Variants in CAPN2 observed in about 807,000 individuals in gnomAD.
CAPN2 encodes calpain-2 catalytic subunit.
CAPN2 carries 92 observed loss-of-function variants against 102.3 expected under a neutral mutation model. The ratio of observed to expected loss-of-function variants is 0.90; its 90% CI spans 0.76 to 1.07. CAPN2 has a LOEUF of 1.07. CAPN2 is among the 50% of genes least tolerant of loss of function. The pLI is 0.00. For missense variants in CAPN2, 800 were observed against 909.4 expected, an observed-to-expected ratio of 0.88 and a Z score of 1.55; for synonymous variants, 340 against 355.4, an observed-to-expected ratio of 0.96 and a Z score of 0.49.
At position 223,725,558 on chromosome 1, in the gene CAPN2, C is replaced by A. The variant is rs549321894; in HGVS notation, c.307+7727C>A. 1.3e-4 allele frequency among the ~76,000 whole-genome samples: 20 copies of A among 152,216 alleles called. No homozygotes were observed. The South Asian group carries it at 4.2e-3, about 32-fold the overall frequency. On this transcript the variant is annotated intron_variant, in intron 2 of 20. Coordinates refer to ENST00000295006, the MANE Select transcript of CAPN2 (RefSeq NM_001748.5). The surrounding 1 kb of genome is among the most constrained non-coding windows in gnomAD (Gnocchi z 4.1). ...GGAGTACTGTCAAATGAGGTCGCGT[C>A]GCTGAGGTGGAGACACATTGTGGCA...
At chr1:223,749,143 G>C in intron 6 of CAPN2, 21 bp downstream of exon 6, 1 of 1,605,328 alleles carries the variant, frequency 6.2e-7, no homozygotes, top group Non-Finnish European at 8.5e-7. Flanking sequence ...GCGCGGATGT[G>C]CAGGGGTCCT....
At chr1:223,724,037 C>T (rs77705362) in intron 2 of CAPN2, among the ~76,000 whole-genome samples, 1,573 of 151,870 alleles carry the variant, frequency 0.01, 15 homozygotes, top group African/African-American at 0.028. Flanking sequence ...CGCCCCTATA[C>T]GGCCATAGTT....
intron 1 of CAPN2, among the ~76,000 whole-genome samples, chr1:223,713,533 C>T (rs776243998): frequency 6.6e-6 from 1 of 152,112 alleles, no homozygotes; most frequent in African/African-American, 2.4e-5. Flanking sequence ...CCCCTTATCC[C>T]GTCCCCCAGG....
rs1553343526 is a variant in CAPN2 at position 223,702,105 on chromosome 1, A to AAGAAAGGAAGGAAGGAAG, written c.3+274_3+275insAGAAAGGAAGGAAGGAAG. On this transcript the variant is annotated intron_variant, in intron 1 of 20. Transcript: ENST00000433674. The stretch of plus-strand genomic sequence containing the variant: ...AGGGAGGGAGGGAGGAAAGAAGGAA[A>AAGAAAGGAAGGAAGGAAG]GAAGGAAGGAAGGAAGGAAGGAAGG... 4.7e-4 allele frequency among the ~76,000 whole-genome samples: 40 copies of AAGAAAGGAAGGAAGGAAG among 84,606 alleles called. No individual in the cohort carries two copies. The East Asian group carries it at 0.012, about 24-fold the overall frequency. 55.5% of individuals were successfully genotyped at this position (84,606 alleles called of 152,430 possible).
chr1:223,753,796 C>A (rs1375015202), intron 9 of CAPN2, among the ~76,000 whole-genome samples: 1 of 152,156 alleles, frequency 6.6e-6, no homozygotes, highest in African/African-American at 2.4e-5. Context: ...TATAGAATTA[C>A]CTTCAGCCTA....
At chr1:223,762,394 TC>T (rs1461406751) in intron 14 of CAPN2, 143 bp downstream of exon 14, 4 of 679,516 alleles carry the variant, frequency 5.9e-6, no homozygotes, top group African/African-American at 1.8e-5. Flanking sequence ...GCACTTGGGT[TC>T]CAGCTCAGCC....
intron 5 of CAPN2, among the ~76,000 whole-genome samples, chr1:223,748,111 CT>C (rs554105778): frequency 3.0e-3 from 455 of 152,338 alleles, no homozygotes; most frequent in African/African-American, 0.01. Context: ...CAGCCTTCCC[CT>C]GCACTCTTGC....
intron 2 of CAPN2, among the ~76,000 whole-genome samples, chr1:223,735,218 C>T (rs1308379144): frequency 6.6e-6 from 1 of 152,074 alleles, no homozygotes; most frequent in Non-Finnish European, 1.5e-5. Flanking sequence ...CTTAAGTGGC[C>T]AGATCAGGAC....
chr1:223,749,330 G>A (rs1457973292), intron 6 of CAPN2: 2 of 593,382 alleles, frequency 3.4e-6, no homozygotes, highest in South Asian at 2.0e-5. Flanking sequence ...CCTGGTGGCC[G>A]CAGTGGCCGG....
In CAPN2 at chr1:223,755,554, G is replaced by C. The variant is rs537243531; in HGVS notation, c.1210G>C (p.Gly404Arg). 1 of 1,614,058 alleles carries C rather than the reference G, an allele frequency of 6.2e-7. No homozygotes were observed. The highest frequency in any genetic ancestry group is 2.2e-5 in the East Asian group (1 of 44,884). ...EDEDEEDGESGCTFLVGLIQK... is the reference protein window; with the variant it reads ...EDEDEEDGESRCTFLVGLIQK... ...TGAGGACGAGGAGGATGGGGAGAGC[G>C]GCTGCACCTTCCTGGTGGGGCTCAT... Residue 404 changes from glycine to arginine, a missense_variant, in exon 10 of 21, where the codon GGC becomes CGC. Coordinates refer to ENST00000295006, the MANE Select transcript of CAPN2 (RefSeq NM_001748.5). This position sits in a 1 kb window ranked among gnomAD's most constrained non-coding sequence, Gnocchi z 4.1.
chr1:223,759,560 C>A lies in CAPN2; in HGVS notation c.1529+79C>A. On this transcript the variant is annotated intron_variant, in intron 12 of 20. Transcript: ENST00000295006. The surrounding 1 kb of genome is among the most constrained non-coding windows in gnomAD (Gnocchi z 4.6). The stretch of plus-strand genomic sequence containing the variant: ...TCTGTTCCTCGGCCCCTAGAGGGCT[C>A]TTTCATCCTCTGAATGTCAGTTACT... 1 of 1,142,586 alleles carries A rather than the reference C, an allele frequency of 8.8e-7. No individual in the cohort carries two copies. 70.8% of individuals were successfully genotyped at this position (1,142,586 alleles called of 1,614,324 possible).
At chr1:223,774,059 AG>A (rs1661552347) in intron 20 of CAPN2, among the ~76,000 whole-genome samples, 2 of 152,044 alleles carry the variant, frequency 1.3e-5, no homozygotes, top group Admixed American at 1.3e-4. Context: ...AATAAATAGT[AG>A]AGTCAACACA....
intron 9 of CAPN2, among the ~76,000 whole-genome samples, chr1:223,753,683 A>T (rs951697076): frequency 1.3e-5 from 2 of 152,364 alleles, no homozygotes; most frequent in African/African-American, 4.8e-5. Context: ...CAGCCCCAAC[A>T]TGATACCACA....
At chr1:223,748,387 C>G (rs966748805) in intron 5 of CAPN2, among the ~76,000 whole-genome samples, 1 of 152,084 alleles carries the variant, frequency 6.6e-6, no homozygotes, top group African/African-American at 2.4e-5. Flanking sequence ...CAGCAGAACA[C>G]GTTGAGGCAG....
At chr1:223,741,384 A>G (rs12754142) in intron 2 of CAPN2, among the ~76,000 whole-genome samples, 30,902 of 147,204 alleles carry the variant, frequency 0.21, 4,056 homozygotes, top group Non-Finnish European at 0.29. Flanking sequence ...AATTTGGAAA[A>G]CTGATGAAAA....
chr1:223,768,141 G>A (rs1661383885), intron 16 of CAPN2, among the ~76,000 whole-genome samples: 2 of 151,176 alleles, frequency 1.3e-5, no homozygotes, highest in Admixed American at 6.6e-5. Flanking sequence ...TTTGTAGGTT[G>A]CCTGTTCACT....
chr1:223,749,163 A>G, intron 6 of CAPN2, 41 bp downstream of exon 6: 1 of 1,544,270 alleles, frequency 6.5e-7, no homozygotes, highest in Non-Finnish European at 9.0e-7. Flanking sequence ...TGCTGTCCTG[A>G]CACGATGGCC....
chr1:223,762,631 G>A (rs28370133), intron 14 of CAPN2, among the ~76,000 whole-genome samples: 4,499 of 152,250 alleles, frequency 0.03, 223 homozygotes, highest in African/African-American at 0.1. Flanking sequence ...AAGAATGCAG[G>A]CCACCTGCAA....
chr1:223,744,910 TG>T (rs1209808451), intron 3 of CAPN2, among the ~76,000 whole-genome samples: 1 of 151,984 alleles, frequency 6.6e-6, no homozygotes, highest in Non-Finnish European at 1.5e-5. Context: ...CCGGGTGTGG[TG>T]GCACGTGCCC....
Sources: gnomAD v4.1 joint callset for allele counts (sites outside exome capture counted in the v4.1 genomes callset) on GRCh38, gnomAD v4.1.1 for gene constraint, Gnocchi (gnomAD v3.1) non-coding constraint, MANE v1.5 for transcripts, NCBI Gene and HGNC (gene_info 2026-07-23, HGNC 2026-07-21) for gene names.